CPEB4: variants seen among roughly 807,000 people sequenced by gnomAD.
CPEB4 encodes the protein cytoplasmic polyadenylation element-binding protein 4.
A neutral mutation model predicts 72.5 loss-of-function variants in CPEB4; 12 were observed. The observed-to-expected ratio is 0.17, with a 90% confidence interval of 0.11 to 0.27. The LOEUF (loss-of-function observed/expected upper bound fraction) is 0.27. Ranked by LOEUF, CPEB4 falls within the 10% of genes least tolerant of loss-of-function variation. The pLI is 1.00. For missense variants in CPEB4, 614 were observed against 908.5 expected (o/e 0.68, Z 4.17); for synonymous variants, 302 against 326.3 (o/e 0.93, Z 0.80).
At chr5:173,953,822 G>T (rs778358490) in intron 9 of CPEB4, among the ~76,000 whole-genome samples, 1 of 151,882 alleles carries the variant, frequency 6.6e-6, no homozygotes, top group African/African-American at 2.4e-5. Context: ...TAGTGCTTAG[G>T]GCAAGAAGTT....
Position 173,955,854 on chromosome 5 carries a change from G to A in CPEB4, c.1963-56G>A, listed in dbSNP as rs1442240241. 2.9e-6 allele frequency: 4 copies of A among 1,374,674 alleles called. No homozygotes were observed. The South Asian group carries it at 5.1e-5, about 17-fold the overall frequency. 85.2% of individuals were successfully genotyped at this position (1,374,674 alleles called of 1,614,324 possible). On this transcript the variant is annotated intron_variant, in intron 9 of 9. Coordinates refer to ENST00000265085, the MANE Select transcript of CPEB4 (RefSeq NM_030627.4). This position sits in a 1 kb window ranked among gnomAD's most constrained non-coding sequence, Gnocchi z 4.7. The stretch of plus-strand genomic sequence containing the variant: ...ATAGTGGGTGGAAATGTACATGTAT[G>A]GTAAGCATTGCTGGCCTAGTCACTG...
At chr5:173,948,217 C>T (rs1248961210) in intron 5 of CPEB4, among the ~76,000 whole-genome samples, 1 of 152,108 alleles carries the variant, frequency 6.6e-6, no homozygotes, top group Non-Finnish European at 1.5e-5. Flanking sequence ...TATTTGGCAA[C>T]CATTATTGTG....
At chr5:173,917,798 C>T (rs1263494974) in intron 2 of CPEB4, among the ~76,000 whole-genome samples, 1 of 152,190 alleles carries the variant, frequency 6.6e-6, no homozygotes, top group Non-Finnish European at 1.5e-5. Context: ...AATCAAATTT[C>T]TCCTTCCAAG....
intron 9 of CPEB4, among the ~76,000 whole-genome samples, chr5:173,954,248 C>A (rs946963464): frequency 6.6e-5 from 10 of 152,116 alleles, no homozygotes; most frequent in African/African-American, 1.9e-4. Flanking sequence ...CATGTACAGT[C>A]TACTTCACTG....
chr5:173,912,050 C>T (rs927653228), intron 2 of CPEB4, among the ~76,000 whole-genome samples: 1 of 152,002 alleles, frequency 6.6e-6, no homozygotes, highest in Non-Finnish European at 1.5e-5. Context: ...AATAGGCATC[C>T]ATCTGATGTG....
chr5:173,910,159 A>G (rs950043329), intron 1 of CPEB4, among the ~76,000 whole-genome samples: 1 of 152,146 alleles, frequency 6.6e-6, no homozygotes, highest in African/African-American at 2.4e-5. Context: ...TAGTGGGACA[A>G]GTTTGGAAAG....
chr5:173,892,394 T>C (rs958742190), intron 1 of CPEB4, among the ~76,000 whole-genome samples: 3 of 152,072 alleles, frequency 2.0e-5, no homozygotes, highest in Non-Finnish European at 4.4e-5. Flanking sequence ...GTTTAAGACA[T>C]TGACAATCCC....
At chr5:173,939,848 A>G (rs1757769457) in intron 3 of CPEB4, among the ~76,000 whole-genome samples, 1 of 151,676 alleles carries the variant, frequency 6.6e-6, no homozygotes, top group South Asian at 2.1e-4. Context: ...ACGGTGGCTC[A>G]CGCCTGTAAT....
At chr5:173,903,506 A>G (rs1479869811) in intron 1 of CPEB4, among the ~76,000 whole-genome samples, 7 of 152,192 alleles carry the variant, frequency 4.6e-5, no homozygotes, top group Non-Finnish European at 1.0e-4. Context: ...CAGAGATGGG[A>G]ATTCTTGGAC....
chr5:173,893,212 C>T (rs939211404), intron 1 of CPEB4: 6 of 152,154 alleles, frequency 3.9e-5, no homozygotes, highest in Non-Finnish European at 7.4e-5. Context: ...GTGATTCTTA[C>T]TTAAATGGAT....
At chr5:173,930,940 G>A (rs539686581) in intron 2 of CPEB4, among the ~76,000 whole-genome samples, 19 of 146,280 alleles carry the variant, frequency 1.3e-4, no homozygotes, top group South Asian at 6.5e-4. Flanking sequence ...GCAGTGACCC[G>A]AGATTGCGCC....
In CPEB4 at chr5:173,931,157, TA is replaced by T. The variant is rs772330885; in HGVS notation, c.1208-1289del. Among the ~76,000 whole-genome samples the T allele has an allele frequency of 2.6e-4, 39 of 152,200 alleles. 1 individual carries two copies. Among genetic ancestry groups the T allele is most frequent in the Non-Finnish European group, 1.3e-4 (9 of 68,032 alleles). On this transcript the variant is annotated intron_variant, in intron 2 of 9. Coordinates refer to ENST00000265085, the MANE Select transcript of CPEB4 (RefSeq NM_030627.4). ...AGACTGTTTCAAAGAAGCAGCATTTTAAAACATTGAAGACCTTAAGTTCCTT... is the reference window on the plus strand; with the variant it reads ...AGACTGTTTCAAAGAAGCAGCATTTTAAACATTGAAGACCTTAAGTTCCTT...
chr5:173,942,540 T>G (rs1757883547), intron 3 of CPEB4, among the ~76,000 whole-genome samples: 1 of 152,248 alleles, frequency 6.6e-6, no homozygotes, highest in Admixed American at 6.5e-5. Flanking sequence ...TGCTTAAAGA[T>G]TTCATTTGTT....
In CPEB4 at chr5:173,930,200, A is replaced by C. The variant is rs147896004; in HGVS notation, c.1208-2250A>C. Among the ~76,000 whole-genome samples, 682 of 152,104 alleles carry C rather than the reference A, an allele frequency of 4.5e-3. 4 individuals are homozygous for C. The highest frequency in any genetic ancestry group is 0.015 in the African/African-American group (640 of 41,504). ...CTCCCCAGTAGCTGGGTTGATTACA[A>C]GCGTGCACCACCACGCCTGGCTAAT... On this transcript the variant is annotated intron_variant, in intron 2 of 9. Coordinates refer to ENST00000265085, the MANE Select transcript of CPEB4 (RefSeq NM_030627.4).
rs1564823 is a variant in CPEB4 at position 173,956,191 on chromosome 5, C to A, written c.*54C>A. 383,416 of 1,406,458 alleles carry A rather than the reference C, an allele frequency of 0.27. 57,498 individuals are homozygous for A. The highest frequency in any genetic ancestry group is 0.31 in the Non-Finnish European group (304,808 of 994,838). The allele number at this position is 1,406,458 out of a possible 1,614,324, so 87.1% of individuals were successfully genotyped here. ...CTCAGAATAAGTGCACTCTTCTGTT[C>A]ATTCTGACCCCTTCCTCAACCTCTT... On this transcript the variant is annotated 3_prime_UTR_variant, in exon 10 of 10. Coordinates refer to ENST00000265085, the MANE Select transcript of CPEB4 (RefSeq NM_030627.4).
At chr5:173,909,241 A>G (rs1756552038) in intron 1 of CPEB4, among the ~76,000 whole-genome samples, 1 of 152,184 alleles carries the variant, frequency 6.6e-6, no homozygotes, top group Non-Finnish European at 1.5e-5. Flanking sequence ...GTAAATAAGA[A>G]TTGAGATTTT....
intron 3 of CPEB4, among the ~76,000 whole-genome samples, chr5:173,942,212 C>T (rs979063939): frequency 6.6e-6 from 1 of 152,240 alleles, no homozygotes; most frequent in Non-Finnish European, 1.5e-5. Flanking sequence ...AGGTCAGGGA[C>T]ATGCACTATT....
At chr5:173,930,124 A>G (rs1165506794) in intron 2 of CPEB4, among the ~76,000 whole-genome samples, 3 of 150,576 alleles carry the variant, frequency 2.0e-5, no homozygotes, top group Non-Finnish European at 2.9e-5. Context: ...GCGAGATCTC[A>G]GCTCACTGCA....
chr5:173,912,962 C>T (rs976899070), intron 2 of CPEB4, among the ~76,000 whole-genome samples: 1 of 140,720 alleles, frequency 7.1e-6, no homozygotes, highest in African/African-American at 2.6e-5. Flanking sequence ...AGTTAAAGAA[C>T]ATTTGTATAT....
Sources: gnomAD v4.1 joint callset for allele counts (sites outside exome capture counted in the v4.1 genomes callset) on GRCh38, gnomAD v4.1.1 for gene constraint, Gnocchi (gnomAD v3.1) non-coding constraint, MANE v1.5 for transcripts, NCBI Gene and HGNC (gene_info 2026-07-23, HGNC 2026-07-21) for gene names.